The following TUSC3 variants were observed in gnomAD, a reference collection of about 807,000 sequenced individuals.
TUSC3 encodes dolichyl-diphosphooligosaccharide--protein glycosyltransferase subunit TUSC3.
TUSC3 carries 45 observed loss-of-function variants against 44.8 expected under a neutral mutation model. That is an observed-to-expected ratio of 1.00 (90% CI 0.79 to 1.29). The LOEUF (loss-of-function observed/expected upper bound fraction) is 1.29. Ranked by LOEUF, TUSC3 falls within the 50% of genes most tolerant of loss-of-function variation. TUSC3 has a pLI of 0.00. For missense variants in TUSC3, 519 were observed against 437.9 expected (o/e 1.19, Z -1.65); for synonymous variants, 212 against 152.9 (o/e 1.39, Z -2.85).
At chr8:15,828,102 C>T in the TUSC3 span, among the ~76,000 whole-genome samples, 1 of 151,570 alleles carries the variant, frequency 6.6e-6, no homozygotes, top group Non-Finnish European at 1.5e-5. Flanking sequence ...TCAAGCAACT[C>T]TCCTGCCTCA....
At chr8:15,697,531 A>C (rs1809222624) in intron 6 of TUSC3, among the ~76,000 whole-genome samples, 1 of 152,176 alleles carries the variant, frequency 6.6e-6, no homozygotes, top group Admixed American at 6.5e-5. Flanking sequence ...CTATCTTGCT[A>C]CAACTTTCTC....
chr8:15,778,109 A>C, the TUSC3 span, among the ~76,000 whole-genome samples: 101 of 104,350 alleles, frequency 9.7e-4, no homozygotes, highest in Admixed American at 3.8e-3. Flanking sequence ...CAAAAAAAAA[A>C]AACAAAAAAC....
chr8:15,831,649 A>G, the TUSC3 span, among the ~76,000 whole-genome samples: 1 of 152,242 alleles, frequency 6.6e-6, no homozygotes, highest in African/African-American at 2.4e-5. Flanking sequence ...CAAGAATTTC[A>G]TAATATAATC....
intron 2 of TUSC3, among the ~76,000 whole-genome samples, chr8:15,493,494 CT>C: frequency 6.6e-6 from 1 of 152,280 alleles, no homozygotes; most frequent in Non-Finnish European, 1.5e-5. Context: ...AACTCCTGGC[CT>C]TAAGCGATCC....
the TUSC3 span, among the ~76,000 whole-genome samples, chr8:15,800,936 A>T: frequency 6.6e-6 from 1 of 152,194 alleles, no homozygotes; most frequent in Non-Finnish European, 1.5e-5. Flanking sequence ...TTAATCATCT[A>T]TACAACAAAT....
chr8:15,808,044 T>G, the TUSC3 span, among the ~76,000 whole-genome samples: 1 of 152,200 alleles, frequency 6.6e-6, no homozygotes, highest in African/African-American at 2.4e-5. Context: ...TTTAAAAACT[T>G]TATGCTAGTA....
intron 1 of TUSC3, among the ~76,000 whole-genome samples, chr8:15,551,473 G>T (rs534194938): frequency 6.6e-6 from 1 of 151,732 alleles, no homozygotes; most frequent in South Asian, 2.1e-4. Flanking sequence ...TATGATTCGT[G>T]GGGGGTAACA....
chr8:15,555,139 CTTTTTTTTT>C (rs60676527), intron 1 of TUSC3, among the ~76,000 whole-genome samples: 1 of 93,554 alleles, frequency 1.1e-5, no homozygotes, highest in Non-Finnish European at 2.0e-5. Context: ...TAATAGCAGT[CTTTTTTTTT>C]TTTTTTTTTT....
At chr8:15,775,649 TAC>T in the TUSC3 span, among the ~76,000 whole-genome samples, 2 of 127,326 alleles carry the variant, frequency 1.6e-5, no homozygotes, top group Non-Finnish European at 1.7e-5. Flanking sequence ...TATATATATA[TAC>T]ACACACATAT....
In TUSC3 at chr8:15,605,767, C is replaced by G. The variant is rs148672350; in HGVS notation, c.139-17313C>G. 3.2e-4 allele frequency among the ~76,000 whole-genome samples: 48 copies of G among 152,110 alleles called. 1 individual carries two copies. The highest frequency in any genetic ancestry group is 1.0e-3 in the African/African-American group (43 of 41,540). ...ACACAGTTACAAATCACACATGACA[C>G]CACTTGCAGTTGAGGGAAATGTAAA... is the stretch of plus-strand genomic sequence containing the variant. On this transcript the variant is annotated intron_variant, in intron 1 of 10. Transcript: ENST00000503731.
intron 1 of TUSC3, among the ~76,000 whole-genome samples, chr8:15,480,939 C>A (rs1340564841): frequency 1.3e-5 from 2 of 152,092 alleles, no homozygotes; most frequent in Admixed American, 1.3e-4. Flanking sequence ...ACTTAATCAC[C>A]TTTGCAACAG....
intron 1 of TUSC3, among the ~76,000 whole-genome samples, chr8:15,471,708 T>A (rs1378449495): frequency 6.6e-6 from 1 of 151,012 alleles, no homozygotes; most frequent in Non-Finnish European, 1.5e-5. Flanking sequence ...ACCTCCGCCC[T>A]CCAGGTTAAA....
In TUSC3 at chr8:15,570,954, G is replaced by GTTTTTTTTTTTTT. The variant is rs549277334; in HGVS notation, c.138+30394_138+30406dup. ...TTGCTTTCTATTCCATTGCCTATTA[G>GTTTTTTTTTTTTT]TTTTTTTTTTTTTTTTTTTTGAGAT... is the stretch of plus-strand genomic sequence containing the variant. On this transcript the variant is annotated intron_variant, in intron 1 of 10. Transcript: ENST00000503731. Among the ~76,000 whole-genome samples the GTTTTTTTTTTTTT allele has an allele frequency of 7.7e-3, 344 of 44,480 alleles. 106 individuals carry two copies. Among genetic ancestry groups the GTTTTTTTTTTTTT allele is most frequent in the Middle Eastern group, 0.034 (2 of 58 alleles). The allele number at this position is 44,480 out of a possible 152,430, so 29.2% of individuals were successfully genotyped here.
At chr8:15,825,541 T>A in the TUSC3 span, among the ~76,000 whole-genome samples, 396 of 152,228 alleles carry the variant, frequency 2.6e-3, no homozygotes, top group African/African-American at 9.2e-3. Flanking sequence ...CAATTTGTGA[T>A]GAGATTTGGG....
rs548041995 is a variant in TUSC3 at position 15,420,308 on chromosome 8, C to T, written n.91+3003C>T. 3.9e-5 allele frequency among the ~76,000 whole-genome samples: 6 copies of T among 152,006 alleles called. No individual in the cohort carries two copies. The East Asian group carries it at 9.7e-4, about 25-fold the overall frequency. On this transcript the variant is annotated intron_variant and non_coding_transcript_variant, in intron 1 of 5. Transcript: ENST00000503191. ...GGTCAGAAGCTGGAGACCAGCCTGG[C>T]CAACATGGGGAAACCTCGTCTCTAC...
chr8:15,588,353 ATCT>A (rs1176894581), intron 1 of TUSC3, among the ~76,000 whole-genome samples: 1 of 151,974 alleles, frequency 6.6e-6, no homozygotes, highest in African/African-American at 2.4e-5. Context: ...CCATTTGTGT[ATCT>A]TCTTTTTCGA....
chr8:15,483,172 TA>T (rs1717538963), intron 1 of TUSC3, among the ~76,000 whole-genome samples: 1 of 152,200 alleles, frequency 6.6e-6, no homozygotes, highest in African/African-American at 2.4e-5. Context: ...TAAATTCTAT[TA>T]AATTTTTTAT....
At chr8:15,498,044 C>T (rs535493000) in intron 2 of TUSC3, among the ~76,000 whole-genome samples, 98 of 152,202 alleles carry the variant, frequency 6.4e-4, no homozygotes, top group Non-Finnish European at 1.2e-3. Flanking sequence ...GCCACTGTGC[C>T]CGGCTCTGTT....
intron 2 of TUSC3, among the ~76,000 whole-genome samples, chr8:15,648,885 G>A (rs926238705): frequency 3.3e-5 from 5 of 151,968 alleles, no homozygotes; most frequent in African/African-American, 1.2e-4. Flanking sequence ...AGCCCTTTGT[G>A]TTACCGTGTG....
Sources: gnomAD v4.1 joint callset for allele counts (sites outside exome capture counted in the v4.1 genomes callset) on GRCh38, gnomAD v4.1.1 for gene constraint, MANE v1.5 for transcripts, NCBI Gene and HGNC (gene_info 2026-07-23, HGNC 2026-07-21) for gene names.